The following NAALAD2 variants were observed in gnomAD, a reference collection of about 807,000 sequenced individuals.
NAALAD2 encodes N-acetylated alpha-linked acidic dipeptidase 2.
Under a neutral mutation model 95.6 loss-of-function variants are expected in NAALAD2, and 89 were observed. That is an observed-to-expected ratio of 0.93 (90% confidence interval 0.78 to 1.11). NAALAD2 has a LOEUF of 1.11. Among genes scored for constraint, NAALAD2 ranks in the 50% least tolerant of loss-of-function variants. The pLI, the probability that NAALAD2 is intolerant of heterozygous loss-of-function variation, is 0.00. For missense variants in NAALAD2, 894 were observed against 872.4 expected (o/e 1.02, Z -0.31); for synonymous variants, 264 against 294.4 (o/e 0.90, Z 1.06).
chr11:90,142,426 A>C (rs1951642831), intron 2 of NAALAD2, among the ~76,000 whole-genome samples: 1 of 152,130 alleles, frequency 6.6e-6, no homozygotes. Context: ...CTTTAGTAAT[A>C]ATCTTTTTAA....
At chr11:90,167,260 G>C (rs532178030) in intron 11 of NAALAD2, among the ~76,000 whole-genome samples, 3 of 152,294 alleles carry the variant, frequency 2.0e-5, no homozygotes, top group African/African-American at 7.2e-5. Context: ...GTGGGCGTGG[G>C]CTCAGCGGGC....
intron 7 of NAALAD2, 94 bp from the exon 8 acceptor site, chr11:90,159,145 T>TC: frequency 1.1e-6 from 1 of 944,648 alleles, no homozygotes; most frequent in Non-Finnish European, 1.7e-6. Flanking sequence ...AAATATTTGT[T>TC]ATATATATGA....
At chr11:90,135,691 T>G in intron 2 of NAALAD2, 21 bp downstream of exon 2, 1 of 1,582,242 alleles carries the variant, frequency 6.3e-7, no homozygotes, top group South Asian at 1.1e-5. Context: ...TTTACGTATT[T>G]GATCTTAAAA....
rs192403174 is a variant in NAALAD2, at chr11:90,168,232, A to G, written c.1279-697A>G. Among the ~76,000 whole-genome samples, 351 of 152,300 alleles carry G rather than the reference A, an allele frequency of 2.3e-3. 1 individual carries two copies. The highest frequency in any genetic ancestry group is 5.2e-3 in the Admixed American group (79 of 15,298). On this transcript the variant is annotated intron_variant, in intron 11 of 18. Coordinates refer to ENST00000534061, the MANE Select transcript of NAALAD2 (RefSeq NM_005467.4). ...CGAGACCACAAACCCACCAGAAGGA[A>G]GAAACTCTGAACACATCCGAACATC...
chr11:90,143,185 C>T (rs1185082029), intron 2 of NAALAD2, among the ~76,000 whole-genome samples: 1 of 151,986 alleles, frequency 6.6e-6, no homozygotes, highest in Non-Finnish European at 1.5e-5. Context: ...TGATGCTTTT[C>T]ATTTGTTTCT....
At chr11:90,162,762 C>T in intron 8 of NAALAD2, 187 bp from the exon 9 acceptor site, 1 of 394,708 alleles carries the variant, frequency 2.5e-6, no homozygotes, top group Admixed American at 4.5e-5. Flanking sequence ...AATGTCTGTA[C>T]CTTACTTGCA....
intron 14 of NAALAD2, among the ~76,000 whole-genome samples, chr11:90,174,831 C>G (rs1024259357): frequency 6.6e-6 from 1 of 152,000 alleles, no homozygotes; most frequent in African/African-American, 2.4e-5. Context: ...AACTCAAAAA[C>G]CTGAAATCTG....
At chr11:90,132,312 T>A (rs1392915414), upstream of NAALAD2, 3 of 152,528 alleles carry the variant, frequency 2.0e-5, 1 homozygote, top group East Asian at 5.8e-4. Flanking sequence ...TTACTCAAAC[T>A]TCAATTAGCA....
At chr11:90,187,538 C>G (rs1267421417) in intron 18 of NAALAD2, among the ~76,000 whole-genome samples, 1 of 149,574 alleles carries the variant, frequency 6.7e-6, no homozygotes, top group Non-Finnish European at 1.5e-5. Context: ...CACACTTTTT[C>G]CAATAACTGC....
At chr11:90,152,567 A>G in intron 6 of NAALAD2, 83 bp downstream of exon 6, 1 of 1,073,214 alleles carries the variant, frequency 9.3e-7, no homozygotes, top group African/African-American at 1.6e-5. Flanking sequence ...GCATGTTCAG[A>G]ATAATATTAA....
At chr11:90,163,836 A>C (rs539858918) in intron 11 of NAALAD2, 1 of 464,124 alleles carries the variant, frequency 2.2e-6, no homozygotes, top group Non-Finnish European at 3.8e-6. Flanking sequence ...CCTCTTGTCA[A>C]AATATTTTCG....
intron 2 of NAALAD2, among the ~76,000 whole-genome samples, chr11:90,141,158 A>G (rs1294858418): frequency 6.6e-6 from 1 of 152,196 alleles, no homozygotes; most frequent in Non-Finnish European, 1.5e-5. Flanking sequence ...TTAACAAAAC[A>G]TAGAATGATT....
At chr11:90,139,853 T>G (rs1951560245) in intron 2 of NAALAD2, among the ~76,000 whole-genome samples, 1 of 121,208 alleles carries the variant, frequency 8.3e-6, no homozygotes, top group Non-Finnish European at 1.6e-5. Flanking sequence ...CACAAACTTT[T>G]CCTTTTTTTT....
chr11:90,135,716 A>G (rs755664528), intron 2 of NAALAD2, 46 bp downstream of exon 2: 3 of 1,499,344 alleles, frequency 2.0e-6, no homozygotes, highest in Non-Finnish European at 2.8e-6. Flanking sequence ...TGTTTAAAAT[A>G]TCACAGTGAG....
intron 17 of NAALAD2, among the ~76,000 whole-genome samples, 175 bp from the exon 18 acceptor site, chr11:90,182,741 G>A (rs1953009896): frequency 6.6e-6 from 1 of 152,098 alleles, no homozygotes; most frequent in Non-Finnish European, 1.5e-5. Flanking sequence ...ATATTAGAAA[G>A]ATGACTCTGC....
rs777076946 is a variant in NAALAD2, at chr11:90,134,850, C to T, written c.82+10C>T. 1.2e-6 allele frequency: 2 copies of T among 1,613,434 alleles called. No individual in the cohort carries two copies. Among genetic ancestry groups the T allele is most frequent in the African/African-American group, 1.3e-5 (1 of 74,888 alleles). On this transcript the variant is annotated intron_variant, in intron 1 of 18. Coordinates refer to ENST00000534061, the MANE Select transcript of NAALAD2 (RefSeq NM_005467.4). ...ATGGGATTTATGGTGGGTAAGTGAA[C>T]AAAACACTCTACCCCGACTCCGGGG...
rs1424762740 is a variant in NAALAD2, at chr11:90,192,539, T to C, written c.*792T>C. ...TCCGTATCTTGATCTGAGTGGCAAA[T>C]TGTAAACTTAAAATATATATAAAAT... On this transcript the variant is annotated 3_prime_UTR_variant, in exon 19 of 19. Coordinates refer to ENST00000534061, the MANE Select transcript of NAALAD2 (RefSeq NM_005467.4). 1.3e-5 allele frequency: 2 copies of C among 151,992 alleles called. No individual in the cohort carries two copies. The highest frequency in any genetic ancestry group is 2.9e-5 in the Non-Finnish European group (2 of 67,916). The allele number at this position is 151,992 out of a possible 1,614,324, so 9.4% of individuals were successfully genotyped here.
At chr11:90,164,611 ATAT>A (rs1258930484) in intron 11 of NAALAD2, among the ~76,000 whole-genome samples, 1 of 152,094 alleles carries the variant, frequency 6.6e-6, no homozygotes, top group Non-Finnish European at 1.5e-5. Flanking sequence ...AATTGTAATA[ATAT>A]TTCTATTGAG....
At position 90,163,347 on chromosome 11, in the gene NAALAD2, G is replaced by A. The variant is rs1952349344; in HGVS notation, c.1113G>A (p.Trp371Ter). 6.2e-7 allele frequency: 1 copy of A among 1,613,856 alleles called. No homozygotes were observed. The highest frequency in any genetic ancestry group is 1.3e-5 in the African/African-American group (1 of 74,900). ...TTCTGGGAGGTCACCGGGACTCCTG[G>A]GTATTTGGAGCTATTGACCCAACCA... ...YVILGGHRDSWVFGAIDPTSG... is the reference protein window; with the variant it reads ...YVILGGHRDS The change falls in exon 10 of 19, where the codon TGG becomes TGA. Residue 371 changes from tryptophan (W) to a stop codon, truncating the protein, a stop_gained. Transcript: ENST00000534061. LOFTEE classifies it high-confidence loss of function.
Sources: allele counts gnomAD v4.1 joint callset (sites outside exome capture counted in the v4.1 genomes callset), GRCh38; gene constraint gnomAD v4.1.1; transcripts MANE v1.5; gene names NCBI Gene and HGNC (gene_info 2026-07-23, HGNC 2026-07-21).